Variants in ZNF589 observed in about 807,000 individuals in gnomAD.
ZNF589 encodes the protein KRAB-zinc finger protein SZF1-1.
ZNF589 carries 17 observed loss-of-function variants against 13.6 expected under a neutral mutation model. The observed-to-expected ratio is 1.25, with a 90% confidence interval of 0.86 to 1.88. The LOEUF (loss-of-function observed/expected upper bound fraction) is 1.88, where lower values mean the gene tolerates loss of function less well. Among genes scored for constraint, ZNF589 ranks in the 40% most tolerant of loss-of-function variants. The pLI, the probability that ZNF589 is intolerant of heterozygous loss-of-function variation, is 0.00. For synonymous variants in ZNF589, 148 were observed against 161.6 expected, an observed-to-expected ratio of 0.92 and a Z score of 0.64; for missense variants, 407 against 434.0, an observed-to-expected ratio of 0.94 and a Z score of 0.55.
Position 48,270,628 on chromosome 3 carries a change from A to C in ZNF589, c.*1842A>C. On this transcript the variant is annotated 3_prime_UTR_variant, in exon 4 of 4. Transcript: ENST00000354698. ...ATGAGTGTACCTTGGAGAGCTATCC[A>C]CTCAGGCCCCAGTGCCTCTATTTGC... 1 of 207,220 alleles carries C rather than the reference A, an allele frequency of 4.8e-6. No homozygotes were observed. Among genetic ancestry groups the C allele is most frequent in the Non-Finnish European group, 9.9e-6 (1 of 100,548 alleles). 12.8% of individuals were successfully genotyped at this position (207,220 alleles called of 1,614,324 possible). A position where few individuals can be genotyped will look rare whatever the true frequency, so the allele number is the denominator to read the frequency against.
intron 3 of ZNF589, among the ~76,000 whole-genome samples, chr3:48,264,100 A>C (rs2033995860): frequency 6.6e-6 from 1 of 152,332 alleles, no homozygotes; most frequent in South Asian, 2.1e-4. Flanking sequence ...GATGGAGCAA[A>C]TGAAGGCTGG....
chr3:48,244,204 GCTTAGATGGT>G (rs1327787836), intron 1 of ZNF589, among the ~76,000 whole-genome samples: 4 of 152,138 alleles, frequency 2.6e-5, no homozygotes, highest in Non-Finnish European at 5.9e-5. Flanking sequence ...GAAGGGAGAG[GCTTAGATGGT>G]CTTTTTTGCT....
intron 1 of ZNF589, among the ~76,000 whole-genome samples, chr3:48,241,960 C>CA (rs1470134464): frequency 2.6e-5 from 4 of 151,920 alleles, no homozygotes; most frequent in Non-Finnish European, 5.9e-5. Flanking sequence ...GGATTACAGG[C>CA]GGCGCCTCAC....
intron 2 of ZNF589, among the ~76,000 whole-genome samples, chr3:48,258,160 G>T (rs1188029703): frequency 6.6e-6 from 1 of 152,060 alleles, no homozygotes; most frequent in Non-Finnish European, 1.5e-5. Flanking sequence ...CCATGAACGT[G>T]CTTTGCCTCC....
chr3:48,248,514 C>G (rs542263731), intron 2 of ZNF589, among the ~76,000 whole-genome samples: 11 of 152,276 alleles, frequency 7.2e-5, no homozygotes, highest in African/African-American at 2.6e-4. Flanking sequence ...ATAGAGTTCA[C>G]CCCCTTGTTC....
chr3:48,262,132 A>G (rs1439144030), intron 3 of ZNF589, among the ~76,000 whole-genome samples: 1 of 152,228 alleles, frequency 6.6e-6, no homozygotes. Context: ...AATCTCAAAT[A>G]TCATGACATA....
At position 48,247,674 on chromosome 3, in the gene ZNF589, T is replaced by C. The variant is rs2033785243; in HGVS notation, c.93T>C (p.Tyr31=). 1.9e-6 allele frequency: 3 copies of C among 1,613,546 alleles called. No individual in the cohort carries two copies. Among genetic ancestry groups the C allele is most frequent in the Middle Eastern group, 1.7e-4 (1 of 6,028 alleles). ...SAWPWEEKPR[Y]LGPVTFEDVA... ...GGCCCTGGGAAGAGAAGCCTAGATA[T>C]CTGGTGAGTTGGGCCCGCCCTTCTC... Residue 31 remains tyrosine (Y), a synonymous_variant, in exon 2 of 4, where the codon TAT becomes TAC. Transcript: ENST00000354698.
Position 48,260,865 on chromosome 3 carries a change from A to C in ZNF589, c.149A>C (p.Lys50Thr), listed in dbSNP as rs1171182561. Residue 50 changes from lysine to threonine, a missense_variant, in exon 3 of 4, where the codon AAG becomes ACG. Lys to Thr is a moderately conservative substitution (Grantham distance 78). Coordinates refer to ENST00000354698, the MANE Select transcript of ZNF589 (RefSeq NM_016089.3). ...VAVLFTEAEWKRLSLEQRNLY... is the reference protein window; with the variant it reads ...VAVLFTEAEWTRLSLEQRNLY... ...GTGCTTTTCACTGAGGCAGAGTGGA[A>C]GAGACTGAGCCTTGAGCAGAGGAAC... 1.2e-6 allele frequency: 2 copies of C among 1,614,182 alleles called. No homozygotes were observed. The highest frequency in any genetic ancestry group is 1.7e-6 in the Non-Finnish European group (2 of 1,180,022).
rs1442638450 is a variant in ZNF589 at position 48,269,465 on chromosome 3, G to A, written c.*679G>A. ...TTATGTGTGTGGGGAATGTGGGCGGGGATTTGGCCGGAAGATACTCCTCAA... is the reference window on the plus strand; with the variant it reads ...TTATGTGTGTGGGGAATGTGGGCGGAGATTTGGCCGGAAGATACTCCTCAA... On this transcript the variant is annotated 3_prime_UTR_variant, in exon 4 of 4. Transcript: ENST00000354698. The A allele has an allele frequency of 2.4e-5, 10 of 418,238 alleles. No individual in the cohort carries two copies. Among genetic ancestry groups the A allele is most frequent in the Non-Finnish European group, 4.6e-5 (10 of 218,164 alleles). The allele number at this position is 418,238 out of a possible 1,614,324, so 25.9% of individuals were successfully genotyped here. A position where few individuals can be genotyped will look rare whatever the true frequency, so the allele number is the denominator to read the frequency against.
intron 2 of ZNF589, chr3:48,258,010 T>C: frequency 2.4e-6 from 1 of 418,462 alleles, no homozygotes. Flanking sequence ...GTTCTTCTAG[T>C]TTCTTTGCCT....
chr3:48,255,922 A>C (rs192883474), intron 2 of ZNF589, among the ~76,000 whole-genome samples: 79 of 152,234 alleles, frequency 5.2e-4, no homozygotes, highest in Non-Finnish European at 8.7e-4. Flanking sequence ...AATTTTTATA[A>C]TCACTAGATG....
chr3:48,248,962 C>G (rs941309512), intron 2 of ZNF589, among the ~76,000 whole-genome samples: 1 of 152,206 alleles, frequency 6.6e-6, no homozygotes, highest in African/African-American at 2.4e-5. Flanking sequence ...GTACCAGTCT[C>G]TAGGGCAGCT....
intron 2 of ZNF589, 118 bp from the exon 3 acceptor site, chr3:48,260,695 C>T (rs1172740157): frequency 6.9e-7 from 1 of 1,439,266 alleles, no homozygotes. Flanking sequence ...AGGTGTGAGC[C>T]ACCGTGCCCG....
In ZNF589 at chr3:48,251,616, G is replaced by GT. The variant is rs112656033; in HGVS notation, c.96+3948dup. 2.9e-3 allele frequency among the ~76,000 whole-genome samples: 434 copies of GT among 150,726 alleles called. 3 individuals carry two copies. Among genetic ancestry groups the GT allele is most frequent in the African/African-American group, 7.2e-3 (298 of 41,118 alleles). Reference sequence around the variant, plus strand: ...CACCTTTAAGTTGCGGTGATTTTTAGTTTTTTTTTGGTGTGGTATGAGATA... The same window carrying GT: ...CACCTTTAAGTTGCGGTGATTTTTAGTTTTTTTTTTGGTGTGGTATGAGATA... On this transcript the variant is annotated intron_variant, in intron 2 of 3. Transcript: ENST00000354698.
intron 1 of ZNF589, among the ~76,000 whole-genome samples, chr3:48,247,327 G>A (rs940889627): frequency 6.6e-6 from 1 of 151,850 alleles, no homozygotes; most frequent in Non-Finnish European, 1.5e-5. Flanking sequence ...ACACATGGGG[G>A]GAAATGATGC....
intron 1 of ZNF589, among the ~76,000 whole-genome samples, chr3:48,244,893 GAA>G (rs1187630751): frequency 6.6e-6 from 1 of 151,378 alleles, no homozygotes; most frequent in Non-Finnish European, 1.5e-5. Context: ...CAGCCCACTG[GAA>G]CCTCCGCCTC....
intron 2 of ZNF589, among the ~76,000 whole-genome samples, chr3:48,247,959 C>T (rs1209140056): frequency 6.6e-6 from 1 of 152,158 alleles, no homozygotes; most frequent in East Asian, 1.9e-4. Context: ...CTAAAATGCA[C>T]TATTAAAGTT....
intron 1 of ZNF589, among the ~76,000 whole-genome samples, chr3:48,245,921 T>G: frequency 6.7e-6 from 1 of 150,028 alleles, no homozygotes; most frequent in African/African-American, 2.5e-5. Context: ...ACCTTCAGCC[T>G]GGGTGACAGA....
rs1168475859 is a variant in ZNF589 at position 48,245,901 on chromosome 3, C to T, written c.44-1724C>T. 4.6e-5 allele frequency among the ~76,000 whole-genome samples: 7 copies of T among 150,834 alleles called. No individual in the cohort carries two copies. The South Asian group carries it at 6.3e-4, about 14-fold the overall frequency. ...GGCGGAGGTTGCAGTGAGCTGAGAT[C>T]GTGCCATTGACCTTCAGCCTGGGTG... On this transcript the variant is annotated intron_variant, in intron 1 of 3. Transcript: ENST00000354698.
Sources: gnomAD v4.1 joint callset for allele counts (sites outside exome capture counted in the v4.1 genomes callset) on GRCh38, gnomAD v4.1.1 for gene constraint, MANE v1.5 for transcripts, NCBI Gene and HGNC (gene_info 2026-07-23, HGNC 2026-07-21) for gene names.